The following RAD21L1 variants were observed in gnomAD, a reference collection of about 807,000 sequenced individuals.
RAD21L1 encodes RAD21 cohesin complex component like 1, also known as double-strand-break repair protein rad21-like protein 1.
Under a neutral mutation model 69.0 loss-of-function variants are expected in RAD21L1, and 47 were observed. The ratio of observed to expected loss-of-function variants is 0.68; its 90% CI spans 0.54 to 0.87. The LOEUF (loss-of-function observed/expected upper bound fraction) is 0.87, where lower values mean the gene tolerates loss of function less well. Ranked by LOEUF, RAD21L1 falls within the 40% of genes least tolerant of loss-of-function variation. The pLI, the probability that RAD21L1 is intolerant of heterozygous loss-of-function variation, is 0.00. For missense variants in RAD21L1, 583 were observed against 647.6 expected, an observed-to-expected ratio of 0.90 and a Z score of 1.08; for synonymous variants, 177 against 205.8, an observed-to-expected ratio of 0.86 and a Z score of 1.20.
intron 13 of RAD21L1, among the ~76,000 whole-genome samples, chr20:1,252,492 G>A (rs2087854235): frequency 6.6e-6 from 1 of 152,032 alleles, no homozygotes; most frequent in Non-Finnish European, 1.5e-5. Flanking sequence ...AGGAGGTAAA[G>A]GAGAGGCTGG....
chr20:1,244,410 A>G (rs1020378400), intron 11 of RAD21L1, among the ~76,000 whole-genome samples: 3 of 152,156 alleles, frequency 2.0e-5, no homozygotes, highest in Non-Finnish European at 4.4e-5. Context: ...ATTTTGCATG[A>G]TACGTTAAAT....
intron 2 of RAD21L1, 32 bp from the exon 3 acceptor site, chr20:1,229,848 T>A (rs2087354674): frequency 4.1e-6 from 6 of 1,476,918 alleles, no homozygotes; most frequent in Admixed American, 2.0e-5. Flanking sequence ...ACCTAATCTT[T>A]ACTCTTCTAA....
At chr20:1,229,818 T>A in intron 2 of RAD21L1, 62 bp from the exon 3 acceptor site, 1 of 1,275,926 alleles carries the variant, frequency 7.8e-7, no homozygotes, top group Non-Finnish European at 1.1e-6. Flanking sequence ...TCAGTAACTT[T>A]CAAAGAATAG....
At position 1,246,329 on chromosome 20, in the gene RAD21L1, GA is replaced by G. The variant is rs1348158806; in HGVS notation, c.1401+25del. 4.8e-6 allele frequency: 6 copies of G among 1,251,794 alleles called. No homozygotes were observed. Among genetic ancestry groups the G allele is most frequent in the Non-Finnish European group, 4.3e-6 (4 of 920,872 alleles). The allele number at this position is 1,251,794 out of a possible 1,614,324, so 77.5% of individuals were successfully genotyped here. On this transcript the variant is annotated intron_variant, in intron 12 of 13. Coordinates refer to ENST00000683101, the MANE Select transcript of RAD21L1 (RefSeq NM_001384355.1). This position sits in a 1 kb window ranked among gnomAD's most constrained non-coding sequence, Gnocchi z 4.6. ...TGGTAAATATATGTGTAGTCTTGGG[GA>G]TGTTCTTAAAAACTTTATTCCTAAA...
Position 1,248,636 on chromosome 20 carries a change from G to A in RAD21L1, c.1412G>A (p.Ser471Asn). ...CTATCATTCAAACAGGAGTCATTGA[G>A]CAATGAAGAAAATATTGAGACAGAG... ...EYSPVELESL[S>N]NEENIETERW... Residue 471 changes from serine (S) to asparagine (N), a missense_variant, in exon 13 of 14, where the codon AGC (serine) becomes AAC (asparagine). Transcript: ENST00000683101. 1.3e-6 allele frequency: 2 copies of A among 1,522,802 alleles called. No individual in the cohort carries two copies. Among genetic ancestry groups the A allele is most frequent in the South Asian group, 1.2e-5 (1 of 81,246 alleles). 94.3% of individuals were successfully genotyped at this position (1,522,802 alleles called of 1,614,324 possible).
intron 13 of RAD21L1, among the ~76,000 whole-genome samples, chr20:1,250,329 G>A (rs999963723): frequency 2.0e-5 from 3 of 150,802 alleles, no homozygotes; most frequent in Non-Finnish European, 4.4e-5. Flanking sequence ...ATGTATACAT[G>A]TGCCATGTTG....
At chr20:1,228,720 C>T (rs1362906452) in intron 2 of RAD21L1, 123 bp downstream of exon 2, 1 of 699,872 alleles carries the variant, frequency 1.4e-6, no homozygotes, top group Non-Finnish European at 2.3e-6. Context: ...ATGGTCTTTC[C>T]TTTAATTCCT....
chr20:1,237,616 A>G lies in RAD21L1; in HGVS notation c.476-428A>G, dbSNP rs1255086774. On this transcript the variant is annotated intron_variant, in intron 5 of 13. Transcript: ENST00000683101. Reference sequence around the variant, plus strand: ...TCTTTAATATTTTACCTACGTTTCCATTTCCTGAGATGACTAACATGTTCC... The same window carrying G: ...TCTTTAATATTTTACCTACGTTTCCGTTTCCTGAGATGACTAACATGTTCC... Among the ~76,000 whole-genome samples, 7 of 150,502 alleles carry G rather than the reference A, an allele frequency of 4.7e-5. No individual in the cohort carries two copies. In the East Asian group the frequency reaches 1.4e-3, roughly 29 times the overall value.
chr20:1,231,659 T>G lies in RAD21L1; in HGVS notation c.368+40T>G, dbSNP rs2087393724. 3 of 1,044,006 alleles carry G rather than the reference T, an allele frequency of 2.9e-6. No individual in the cohort carries two copies. The African/African-American group carries it at 4.8e-5, about 17-fold the overall frequency. 64.7% of individuals were successfully genotyped at this position (1,044,006 alleles called of 1,614,324 possible). A position where few individuals can be genotyped will look rare whatever the true frequency, so the allele number is the denominator to read the frequency against. The stretch of plus-strand genomic sequence containing the variant: ...TTATTTTCCTTCGATTTAATTTTCT[T>G]GATATTTGTTTTTATATTCAAATTT... On this transcript the variant is annotated intron_variant, in intron 4 of 13. Transcript: ENST00000683101.
In RAD21L1 at chr20:1,246,653, T is replaced by C. The variant is rs2087724253; in HGVS notation, c.1401+348T>C. Among the ~76,000 whole-genome samples, 1 of 152,200 alleles carries C rather than the reference T, an allele frequency of 6.6e-6. No individual in the cohort carries two copies. The highest frequency in any genetic ancestry group is 6.5e-5 in the Admixed American group (1 of 15,276). ...AAGAAACAGAACTATATTAAGAGTA[T>C]GGCCTAGGGCATTTGAAATTTTATC... On this transcript the variant is annotated intron_variant, in intron 12 of 13. Coordinates refer to ENST00000683101, the MANE Select transcript of RAD21L1 (RefSeq NM_001384355.1). The surrounding 1 kb of genome is among the most constrained non-coding windows in gnomAD (Gnocchi z 4.6).
chr20:1,253,842 A>G (rs113617475), intron 13 of RAD21L1, among the ~76,000 whole-genome samples: 4,168 of 152,232 alleles, frequency 0.027, 198 homozygotes, highest in African/African-American at 0.094. Context: ...TTTATAGTCA[A>G]CACCAACACT....
Position 1,244,043 on chromosome 20 carries a change from CA to C in RAD21L1, c.1184-2del. ...AATTGTCTTTATTTCCTTGATAATT[CA>C]GAGACATCCATGATGCAAGAGCCAA... On this transcript the variant is annotated splice_acceptor_variant, in intron 10 of 13. Transcript: ENST00000683101. LOFTEE classifies it high-confidence loss of function. The C allele has an allele frequency of 6.5e-7, 1 of 1,548,062 alleles. No individual in the cohort carries two copies. The highest frequency in any genetic ancestry group is 1.4e-5 in the African/African-American group (1 of 73,030).
intron 11 of RAD21L1, 107 bp downstream of exon 11, chr20:1,244,277 A>G (rs1046808166): frequency 1.3e-6 from 1 of 783,054 alleles, no homozygotes. Context: ...TTCATATTTC[A>G]TTTTAAATTG....
chr20:1,238,227 G>T lies in RAD21L1; in HGVS notation c.646+13G>T, dbSNP rs1338687741. 6 of 1,435,878 alleles carry T rather than the reference G, an allele frequency of 4.2e-6. No homozygotes were observed. Among genetic ancestry groups the T allele is most frequent in the Non-Finnish European group, 5.6e-6 (6 of 1,076,146 alleles). The allele number at this position is 1,435,878 out of a possible 1,614,324, so 88.9% of individuals were successfully genotyped here. A position where few individuals can be genotyped will look rare whatever the true frequency, so the allele number is the denominator to read the frequency against. ...GGAGAAATGATTGGTATGCTATCTG[G>T]TCATGTGGAAATAAAATATTTATTT... On this transcript the variant is annotated intron_variant, in intron 6 of 13. Transcript: ENST00000683101.
At chr20:1,238,235 G>T in intron 6 of RAD21L1, 21 bp downstream of exon 6, 1 of 1,390,860 alleles carries the variant, frequency 7.2e-7, no homozygotes. Flanking sequence ...TGGTCATGTG[G>T]AAATAAAATA....
chr20:1,238,112 C>T lies in RAD21L1; in HGVS notation c.544C>T (p.Pro182Ser), dbSNP rs1270850104. Residue 182 changes from proline to serine, a missense_variant, in exon 6 of 14, where the codon CCT becomes TCT. Pro to Ser is a moderately conservative substitution (Grantham distance 74). Coordinates refer to ENST00000683101, the MANE Select transcript of RAD21L1 (RefSeq NM_001384355.1). ...CAACATATTACTGAATTCCAGTGGT[C>T]CTTTAATTGAACATAGTTCTGGAAG... is the stretch of plus-strand genomic sequence containing the variant. The part of the protein sequence containing the change: ...DDNILLNSSG[P>S]LIEHSSGSLT... 1.3e-6 allele frequency: 2 copies of T among 1,541,968 alleles called. No homozygotes were observed. Among genetic ancestry groups the T allele is most frequent in the Non-Finnish European group, 1.8e-6 (2 of 1,140,254 alleles).
At chr20:1,228,745 T>TA in intron 2 of RAD21L1, 148 bp downstream of exon 2, 1 of 622,714 alleles carries the variant, frequency 1.6e-6, no homozygotes, top group Non-Finnish European at 2.7e-6. Flanking sequence ...CATTTAGTGT[T>TA]ATAACAAACC....
At chr20:1,244,875 A>G (rs2087688752) in intron 11 of RAD21L1, among the ~76,000 whole-genome samples, 1 of 152,170 alleles carries the variant, frequency 6.6e-6, no homozygotes, top group South Asian at 2.1e-4. Context: ...GTTGAAACTG[A>G]ATGCCCTTGG....
intron 2 of RAD21L1, among the ~76,000 whole-genome samples, chr20:1,229,294 T>C (rs556788900): frequency 2.0e-5 from 3 of 152,338 alleles, no homozygotes; most frequent in East Asian, 1.9e-4. Context: ...TTAAAATATC[T>C]GAGTCTCAGT....
Sources: allele counts gnomAD v4.1 joint callset (sites outside exome capture counted in the v4.1 genomes callset), GRCh38; gene constraint gnomAD v4.1.1; non-coding constraint Gnocchi (gnomAD v3.1); transcripts MANE v1.5; gene names NCBI Gene and HGNC (gene_info 2026-07-23, HGNC 2026-07-21).